Variants in CELF2 observed in about 807,000 individuals in gnomAD.
CELF2 encodes CUGBP Elav-like family member 2, also known as CUG triplet repeat RNA-binding protein 2.
A neutral mutation model predicts 62.6 loss-of-function variants in CELF2; 8 were observed. The observed-to-expected ratio is 0.13, with a 90% confidence interval of 0.07 to 0.23. The LOEUF is 0.23. Among genes scored for constraint, CELF2 ranks in the 10% least tolerant of loss-of-function variants. The pLI is 1.00. For missense variants in CELF2, 333 were observed against 671.0 expected, an observed-to-expected ratio of 0.50 and a Z score of 5.56; for synonymous variants, 258 against 250.0, an observed-to-expected ratio of 1.03 and a Z score of -0.30.
intron 2 of CELF2, among the ~76,000 whole-genome samples, chr10:10,942,974 C>T (rs1030904634): frequency 6.6e-6 from 1 of 152,168 alleles, no homozygotes; most frequent in African/African-American, 2.4e-5. Flanking sequence ...AAGCTCAGGG[C>T]AGGACCCACA....
At chr10:10,852,271 C>T (rs896234274) in intron 1 of CELF2, among the ~76,000 whole-genome samples, 3 of 152,172 alleles carry the variant, frequency 2.0e-5, no homozygotes, top group African/African-American at 7.2e-5. Context: ...AACAAAGAAA[C>T]AAACTATGGG....
chr10:10,590,440 C>T, the CELF2 span, among the ~76,000 whole-genome samples: 2 of 152,220 alleles, frequency 1.3e-5, no homozygotes, highest in Non-Finnish European at 2.9e-5. Flanking sequence ...TCAGCCCCAA[C>T]TGGAGAGTAA....
the CELF2 span, among the ~76,000 whole-genome samples, chr10:10,626,351 G>C: frequency 1.3e-5 from 2 of 152,184 alleles, no homozygotes; most frequent in Non-Finnish European, 2.9e-5. Flanking sequence ...ATTTGTGTTA[G>C]TGCTAGGTAT....
chr10:10,890,226 C>T (rs2062034847), intron 1 of CELF2, among the ~76,000 whole-genome samples: 1 of 152,114 alleles, frequency 6.6e-6, no homozygotes. Context: ...TATTGACCAG[C>T]TTTCTGGAAT....
chr10:11,210,802 C>G (rs2061604589), intron 2 of CELF2, among the ~76,000 whole-genome samples: 1 of 152,156 alleles, frequency 6.6e-6, no homozygotes, highest in Non-Finnish European at 1.5e-5. Context: ...GCTGACGAGC[C>G]AGTGTTTCAA....
chr10:10,962,425 G>A (rs767113708), intron 2 of CELF2, among the ~76,000 whole-genome samples: 6 of 152,002 alleles, frequency 3.9e-5, no homozygotes, highest in East Asian at 1.9e-4. Flanking sequence ...ATACCATAAC[G>A]AGAAATTTCC....
At chr10:10,628,313 A>G in the CELF2 span, among the ~76,000 whole-genome samples, 3 of 152,200 alleles carry the variant, frequency 2.0e-5, no homozygotes, top group Non-Finnish European at 4.4e-5. Context: ...TTATTATCAT[A>G]CAAACTAAGC....
At chr10:10,733,892 C>T in the CELF2 span, among the ~76,000 whole-genome samples, 3 of 152,156 alleles carry the variant, frequency 2.0e-5, no homozygotes, top group African/African-American at 4.8e-5. Flanking sequence ...GGGCCTAACA[C>T]TTAAATTTAG....
chr10:10,933,429 AT>A (rs1375435307), intron 2 of CELF2, among the ~76,000 whole-genome samples: 3 of 152,164 alleles, frequency 2.0e-5, no homozygotes, highest in African/African-American at 4.8e-5. Context: ...TACAATTATC[AT>A]TTCTTTGTTG....
chr10:10,652,384 A>ACTC, the CELF2 span, among the ~76,000 whole-genome samples: 1 of 126,850 alleles, frequency 7.9e-6, no homozygotes, highest in African/African-American at 2.9e-5. Flanking sequence ...CCACAAAGAT[A>ACTC]CTCCTCGAGA....
chr10:10,978,233 C>T (rs569845248), intron 2 of CELF2, among the ~76,000 whole-genome samples: 3 of 152,180 alleles, frequency 2.0e-5, no homozygotes, highest in East Asian at 1.9e-4. Context: ...TGTTCAGTTA[C>T]GCAGAAAATG....
chr10:10,818,372 A>G (rs2056667095), intron 1 of CELF2, among the ~76,000 whole-genome samples: 1 of 152,098 alleles, frequency 6.6e-6, no homozygotes, highest in Non-Finnish European at 1.5e-5. Context: ...TAAATCCAAA[A>G]GAAAGGTTTT....
the CELF2 span, among the ~76,000 whole-genome samples, chr10:10,482,991 G>T: frequency 3.3e-5 from 5 of 152,166 alleles, no homozygotes; most frequent in South Asian, 2.1e-4. Context: ...CAATAAAGGC[G>T]CTGGACCCTG....
the CELF2 span, among the ~76,000 whole-genome samples, chr10:10,743,038 C>G: frequency 3.3e-5 from 5 of 152,206 alleles, no homozygotes; most frequent in Non-Finnish European, 7.3e-5. Context: ...TTCTGAGCAC[C>G]TACTATGTGC....
At chr10:10,781,607 T>C in the CELF2 span, among the ~76,000 whole-genome samples, 2 of 152,196 alleles carry the variant, frequency 1.3e-5, no homozygotes, top group African/African-American at 4.8e-5. Context: ...CATGATTCAG[T>C]TACCTCCCAC....
At chr10:10,569,636 A>G in the CELF2 span, among the ~76,000 whole-genome samples, 1 of 152,286 alleles carries the variant, frequency 6.6e-6, no homozygotes, top group East Asian at 1.9e-4. Context: ...AAAGCACCCT[A>G]TACATTTTAA....
the CELF2 span, among the ~76,000 whole-genome samples, chr10:10,624,979 G>T: frequency 6.6e-6 from 1 of 152,158 alleles, no homozygotes; most frequent in Non-Finnish European, 1.5e-5. Context: ...TTTTATCACC[G>T]CTGTCACTGC....
the CELF2 span, among the ~76,000 whole-genome samples, chr10:10,499,885 G>A: frequency 6.6e-6 from 1 of 152,080 alleles, no homozygotes; most frequent in East Asian, 1.9e-4. Flanking sequence ...TCTTGTGGGG[G>A]AAAAACAGCT....
chr10:10,769,311 G>A, the CELF2 span, among the ~76,000 whole-genome samples: 1 of 152,158 alleles, frequency 6.6e-6, no homozygotes, highest in Admixed American at 6.5e-5. Flanking sequence ...TGATGGGAAA[G>A]GCCTTCCAAG....
Sources: allele counts gnomAD v4.1 joint callset (sites outside exome capture counted in the v4.1 genomes callset), GRCh38; gene constraint gnomAD v4.1.1; transcripts MANE v1.5; gene names NCBI Gene and HGNC (gene_info 2026-07-23, HGNC 2026-07-21).